Variants in ZC2HC1A observed in about 807,000 individuals in gnomAD.
ZC2HC1A encodes zinc finger C2HC domain-containing protein 1A.
A neutral mutation model predicts 40.7 loss-of-function variants in ZC2HC1A; 28 were observed. The ratio of observed to expected loss-of-function variants is 0.69; its 90% confidence interval spans 0.51 to 0.94. The LOEUF is 0.94. Among genes scored for constraint, ZC2HC1A ranks in the 40% least tolerant of loss-of-function variants. The pLI, the probability that ZC2HC1A is intolerant of heterozygous loss-of-function variation, is 0.00. For synonymous variants in ZC2HC1A, 129 were observed against 129.2 expected (o/e 1.00, Z 0.01); for missense variants, 389 against 386.3 (o/e 1.01, Z -0.06).
chr8:78,701,122 G>T (rs772400896), intron 7 of ZC2HC1A, among the ~76,000 whole-genome samples: 1 of 152,180 alleles, frequency 6.6e-6, no homozygotes, highest in Non-Finnish European at 1.5e-5. Flanking sequence ...CCCTATCCAT[G>T]AGCATGGAAT....
intron 7 of ZC2HC1A, among the ~76,000 whole-genome samples, chr8:78,713,188 T>C (rs1378832697): frequency 1.3e-5 from 2 of 152,168 alleles, no homozygotes; most frequent in African/African-American, 4.8e-5. Flanking sequence ...GTAAGAGTAA[T>C]GCTTTGCAGA....
At chr8:78,698,557 C>A in intron 7 of ZC2HC1A, 44 bp downstream of exon 7, 1 of 1,376,704 alleles carries the variant, frequency 7.3e-7, no homozygotes, top group South Asian at 1.3e-5. Flanking sequence ...TATAATTAAA[C>A]GATACTAAGG....
intron 1 of ZC2HC1A, among the ~76,000 whole-genome samples, chr8:78,672,441 T>C (rs1809463005): frequency 6.6e-6 from 1 of 152,182 alleles, no homozygotes; most frequent in Non-Finnish European, 1.5e-5. Flanking sequence ...CTTAACCTTA[T>C]AGCAGTATGC....
At position 78,689,225 on chromosome 8, in the gene ZC2HC1A, A is replaced by T; in HGVS notation, c.356A>T (p.Tyr119Phe). ...PPPPPSYDPD[Y>F]IQCPYCQRRF... ...TTTCCGTTTTTATCTGTTATAGATT[A>T]TATTCAATGTCCATATTGTCAGAGG... The change falls in exon 5 of 9, where the codon TAT becomes TTT. Residue 119 changes from tyrosine to phenylalanine, a missense_variant. Transcript: ENST00000263849. The T allele has an allele frequency of 6.4e-7, 1 of 1,560,450 alleles. No homozygotes were observed. The highest frequency in any genetic ancestry group is 1.4e-5 in the African/African-American group (1 of 72,234).
chr8:78,716,473 A>G (rs1811108093), intron 8 of ZC2HC1A, among the ~76,000 whole-genome samples: 1 of 152,070 alleles, frequency 6.6e-6, no homozygotes, highest in African/African-American at 2.4e-5. Flanking sequence ...GTGCATGCAT[A>G]AGAGTTTGTT....
chr8:78,668,404 T>C (rs1215519501), intron 1 of ZC2HC1A, among the ~76,000 whole-genome samples: 1 of 152,196 alleles, frequency 6.6e-6, no homozygotes. Flanking sequence ...AGTAATTGCG[T>C]AAATATTGTA....
intron 7 of ZC2HC1A, chr8:78,712,198 A>G (rs1810973639): frequency 1.6e-6 from 1 of 608,544 alleles, no homozygotes; most frequent in African/African-American, 2.0e-5. Flanking sequence ...ACTGTCCTAT[A>G]CTTAAAAAAA....
chr8:78,672,345 C>A (rs62518961), intron 1 of ZC2HC1A, among the ~76,000 whole-genome samples: 1 of 151,776 alleles, frequency 6.6e-6, no homozygotes, highest in African/African-American at 2.4e-5. Context: ...ATATTTTAAC[C>A]CCTTGGTCCA....
At chr8:78,707,641 T>TATATCCCACATC (rs1251009289) in intron 7 of ZC2HC1A, among the ~76,000 whole-genome samples, 1 of 152,222 alleles carries the variant, frequency 6.6e-6, no homozygotes, top group Admixed American at 6.5e-5. Flanking sequence ...TCCCACATCA[T>TATATCCCACATC]ATATAACTGT....
chr8:78,667,938 G>A (rs1169349406), intron 1 of ZC2HC1A, among the ~76,000 whole-genome samples: 1 of 147,034 alleles, frequency 6.8e-6, no homozygotes, highest in Non-Finnish European at 1.5e-5. Context: ...GATGTTAATA[G>A]TGCTTGCCCT....
intron 3 of ZC2HC1A, among the ~76,000 whole-genome samples, chr8:78,681,973 C>G (rs759628328): frequency 6.7e-6 from 1 of 148,958 alleles, no homozygotes; most frequent in Non-Finnish European, 1.5e-5. Context: ...AACTCCTGGC[C>G]TCAGGTGATT....
At chr8:78,680,052 C>T (rs151283921) in intron 3 of ZC2HC1A, among the ~76,000 whole-genome samples, 2 of 151,942 alleles carry the variant, frequency 1.3e-5, no homozygotes, top group African/African-American at 4.8e-5. Context: ...TTATTCTGGG[C>T]AAGTTATTTA....
At chr8:78,690,515 A>C (rs1810175251) in intron 5 of ZC2HC1A, among the ~76,000 whole-genome samples, 1 of 151,670 alleles carries the variant, frequency 6.6e-6, no homozygotes, top group Non-Finnish European at 1.5e-5. Context: ...AGCCTAGATC[A>C]TGCCACTGCA....
At chr8:78,708,716 T>C (rs1810862827) in intron 7 of ZC2HC1A, among the ~76,000 whole-genome samples, 2 of 151,138 alleles carry the variant, frequency 1.3e-5, no homozygotes. Context: ...GTTTTGCTCT[T>C]GTTGCCCAGG....
chr8:78,699,868 A>G (rs1810545366), intron 7 of ZC2HC1A, among the ~76,000 whole-genome samples: 1 of 152,100 alleles, frequency 6.6e-6, no homozygotes, highest in Non-Finnish European at 1.5e-5. Context: ...CCAGTATATC[A>G]TTGATGGACA....
intron 4 of ZC2HC1A, among the ~76,000 whole-genome samples, chr8:78,688,098 T>C (rs1810086159): frequency 6.6e-6 from 1 of 151,354 alleles, no homozygotes; most frequent in South Asian, 2.1e-4. Flanking sequence ...CGAAACCCTG[T>C]TCTAGAGTAT....
intron 7 of ZC2HC1A, among the ~76,000 whole-genome samples, chr8:78,707,855 C>T (rs200150490): frequency 1.6e-4 from 23 of 143,382 alleles, no homozygotes; most frequent in South Asian, 2.2e-4. Flanking sequence ...CTTTTTTTTT[C>T]TTTTTTTTTT....
intron 7 of ZC2HC1A, 95 bp from the exon 8 acceptor site, chr8:78,715,126 C>A: frequency 9.4e-7 from 1 of 1,062,694 alleles, no homozygotes; most frequent in Non-Finnish European, 1.3e-6. Context: ...TTCTCTGAAG[C>A]TTCTAAGTAT....
At chr8:78,713,158 A>T (rs1015481754) in intron 7 of ZC2HC1A, among the ~76,000 whole-genome samples, 1 of 152,166 alleles carries the variant, frequency 6.6e-6, no homozygotes, top group African/African-American at 2.4e-5. Context: ...AGCTGTTAAC[A>T]GGTAGATTCT....
Sources: gnomAD v4.1 joint callset for allele counts (sites outside exome capture counted in the v4.1 genomes callset) on GRCh38, gnomAD v4.1.1 for gene constraint, MANE v1.5 for transcripts, NCBI Gene and HGNC (gene_info 2026-07-23, HGNC 2026-07-21) for gene names.